The following PTCD3 variants were observed in gnomAD, a reference collection of about 807,000 sequenced individuals.
The protein encoded by PTCD3 is pentatricopeptide repeat domain 3.
In PTCD3, 89 loss-of-function variants were observed where a neutral mutation model predicts 101.9. The observed-to-expected ratio is 0.87, with a 90% confidence interval of 0.74 to 1.04. PTCD3 has a LOEUF of 1.04. Ranked by LOEUF, PTCD3 falls within the 50% of genes least tolerant of loss-of-function variation. The probability of loss-of-function intolerance (pLI) is 0.00; values close to 1 mark genes in which losing one functional copy is unlikely to be tolerated. For missense variants in PTCD3, 870 were observed against 828.2 expected, an observed-to-expected ratio of 1.05 and a Z score of -0.62; for synonymous variants, 296 against 278.5, an observed-to-expected ratio of 1.06 and a Z score of -0.63.
chr2:86,112,396 C>G (rs956559442), intron 4 of PTCD3, among the ~76,000 whole-genome samples: 12 of 148,202 alleles, frequency 8.1e-5, no homozygotes, highest in Non-Finnish European at 1.3e-4. Flanking sequence ...TGGCCAGGAG[C>G]AGTGGCTCAC....
At chr2:86,134,036 G>A (rs994088033) in intron 19 of PTCD3, among the ~76,000 whole-genome samples, 9 of 152,166 alleles carry the variant, frequency 5.9e-5, no homozygotes, top group Non-Finnish European at 1.2e-4. Flanking sequence ...ATAAAACAAC[G>A]TCTTAACCAC....
At position 86,132,361 on chromosome 2, in the gene PTCD3, G is replaced by A. The variant is rs368312294; in HGVS notation, c.1310G>A (p.Gly437Asp). The A allele has an allele frequency of 3.5e-5, 57 of 1,609,752 alleles. No individual in the cohort carries two copies. The highest frequency in any genetic ancestry group is 3.2e-4 in the South Asian group (29 of 90,908). ...RDLELAYQVH[G>D]LLKTGDNWKF... ...CTAGAACTTGCCTACCAAGTACATG[G>A]CCTTTTAAAAACCGGAGACAACTGG... The change falls in exon 17 of 24, where the codon GGC becomes GAC. Residue 437 changes from glycine (G) to aspartate (D), a missense_variant. Transcript: ENST00000254630.
intron 4 of PTCD3, among the ~76,000 whole-genome samples, chr2:86,113,463 A>C (rs1280404855): frequency 1.3e-5 from 2 of 152,196 alleles, no homozygotes; most frequent in Non-Finnish European, 2.9e-5. Flanking sequence ...CGATTATTAC[A>C]AGTACGCAGA....
chr2:86,115,888 G>C (rs930433010), intron 4 of PTCD3, among the ~76,000 whole-genome samples: 1 of 152,306 alleles, frequency 6.6e-6, no homozygotes, highest in Non-Finnish European at 1.5e-5. Context: ...GAAGTTGAGC[G>C]TGGGTGGATA....
At chr2:86,109,554 C>G (rs1674037026) in intron 3 of PTCD3, among the ~76,000 whole-genome samples, 1 of 152,158 alleles carries the variant, frequency 6.6e-6, no homozygotes, top group African/African-American at 2.4e-5. Context: ...CAAATTAAAA[C>G]TTACCGTATT....
At chr2:86,120,205 T>C (rs1214577491) in intron 7 of PTCD3, among the ~76,000 whole-genome samples, 1 of 152,142 alleles carries the variant, frequency 6.6e-6, no homozygotes, top group African/African-American at 2.4e-5. Flanking sequence ...AAGTTCTTAG[T>C]GCTAAGGCTT....
intron 7 of PTCD3, among the ~76,000 whole-genome samples, chr2:86,121,048 G>A (rs1471492975): frequency 6.6e-6 from 1 of 152,156 alleles, no homozygotes; most frequent in Non-Finnish European, 1.5e-5. Context: ...CGACAATTAT[G>A]CTAGTATTTC....
In PTCD3 at chr2:86,137,979, A is replaced by C. The variant is rs1303283854; in HGVS notation, c.*420A>C. 2.0e-5 allele frequency: 4 copies of C among 195,310 alleles called. No individual in the cohort carries two copies. Among genetic ancestry groups the C allele is most frequent in the African/African-American group, 9.1e-5 (4 of 43,722 alleles). The allele number at this position is 195,310 out of a possible 1,614,324, so 12.1% of individuals were successfully genotyped here. ...TGCTGGTCCTTCATCTTAGGTGTTC[A>C]TGCAGTTCTAACACAGTTGGGGTTG... On this transcript the variant is annotated 3_prime_UTR_variant, in exon 24 of 24. Coordinates refer to ENST00000254630, the MANE Select transcript of PTCD3 (RefSeq NM_017952.6).
chr2:86,124,495 C>T (rs925685366), intron 9 of PTCD3, among the ~76,000 whole-genome samples: 9 of 152,198 alleles, frequency 5.9e-5, no homozygotes, highest in East Asian at 3.9e-4. Context: ...CGTGGTGGCA[C>T]GTGCCTGTAA....
intron 19 of PTCD3, 52 bp from the exon 20 acceptor site, chr2:86,134,238 AGT>A: frequency 4.5e-6 from 6 of 1,344,866 alleles, no homozygotes; most frequent in Non-Finnish European, 6.3e-6. Context: ...AGTGAACAAA[AGT>A]GTGTTGGTTT....
chr2:86,116,131 A>G (rs762656250), intron 4 of PTCD3, among the ~76,000 whole-genome samples: 3 of 152,200 alleles, frequency 2.0e-5, no homozygotes, highest in Non-Finnish European at 4.4e-5. Context: ...TTCTCTATAT[A>G]TACATGTATA....
chr2:86,113,875 C>G (rs1378549067), intron 4 of PTCD3, among the ~76,000 whole-genome samples: 2 of 152,180 alleles, frequency 1.3e-5, no homozygotes, highest in Non-Finnish European at 2.9e-5. Flanking sequence ...CTAATGTGCA[C>G]TGGTGTACTC....
At chr2:86,120,043 G>A (rs775041836) in intron 7 of PTCD3, among the ~76,000 whole-genome samples, 13 of 152,288 alleles carry the variant, frequency 8.5e-5, no homozygotes, top group Non-Finnish European at 1.5e-4. Context: ...TTGAACACAA[G>A]AAACATTTGC....
In PTCD3 at chr2:86,121,614, ATTT is replaced by A; in HGVS notation, c.654+29_654+31del. On this transcript the variant is annotated intron_variant, in intron 8 of 23. Transcript: ENST00000254630. Reference sequence around the variant, plus strand: ...GCATTGGTAATAACTGTTGGCCTTGATTTTTTTTTTTCCTTAAGCTTCTTTTTG... The same window carrying A: ...GCATTGGTAATAACTGTTGGCCTTGATTTTTTTTCCTTAAGCTTCTTTTTG... The A allele has an allele frequency of 1.6e-6, 2 of 1,258,138 alleles. No individual in the cohort carries two copies. The highest frequency in any genetic ancestry group is 1.5e-5 in the South Asian group (1 of 66,738). The allele number at this position is 1,258,138 out of a possible 1,614,324, so 77.9% of individuals were successfully genotyped here. A position where few individuals can be genotyped will look rare whatever the true frequency, so the allele number is the denominator to read the frequency against.
chr2:86,134,421 G>T, intron 20 of PTCD3, 44 bp downstream of exon 20: 1 of 1,486,400 alleles, frequency 6.7e-7, no homozygotes, highest in Non-Finnish European at 9.4e-7. Context: ...CCATACTGAG[G>T]TCTTCTTAAG....
intron 4 of PTCD3, among the ~76,000 whole-genome samples, chr2:86,115,870 C>T (rs1674167602): frequency 6.6e-6 from 1 of 152,124 alleles, no homozygotes; most frequent in Non-Finnish European, 1.5e-5. Context: ...GGAGGAGGGA[C>T]TCTTGGTGAA....
intron 11 of PTCD3, 117 bp downstream of exon 11, chr2:86,125,632 A>G (rs1674369283): frequency 8.6e-7 from 1 of 1,168,584 alleles, no homozygotes; most frequent in Non-Finnish European, 1.3e-6. Context: ...CCTGAGGCGT[A>G]GATGATTGAA....
intron 10 of PTCD3, 146 bp downstream of exon 10, chr2:86,125,228 C>A: frequency 7.4e-7 from 1 of 1,357,238 alleles, no homozygotes; most frequent in Non-Finnish European, 9.9e-7. Flanking sequence ...GGCTTCTACC[C>A]ACTGGATGTG....
Position 86,142,007 on chromosome 2 carries a change from C to G in PTCD3, c.*4448C>G, listed in dbSNP as rs1199084964. On this transcript the variant is annotated 3_prime_UTR_variant, in exon 24 of 24. Transcript: ENST00000254630. ...ACGAGGAAGGAAAATACAGGCCTGG[C>G]CAAGCAGGGTCCCCTTTTCGGTATC... 1 of 151,946 alleles carries G rather than the reference C, an allele frequency of 6.6e-6. No homozygotes were observed. Among genetic ancestry groups the G allele is most frequent in the African/African-American group, 2.4e-5 (1 of 41,362 alleles). The allele number at this position is 151,946 out of a possible 1,614,324, so 9.4% of individuals were successfully genotyped here.
Sources: allele counts gnomAD v4.1 joint callset (sites outside exome capture counted in the v4.1 genomes callset), GRCh38; gene constraint gnomAD v4.1.1; transcripts MANE v1.5; gene names NCBI Gene and HGNC (gene_info 2026-07-23, HGNC 2026-07-21).